The following ZNF280D variants were observed in gnomAD, a reference collection of about 807,000 sequenced individuals.
ZNF280D encodes zinc finger protein 280D, also known as suppressor of hairy wing homolog 4.
Under a neutral mutation model 94.7 loss-of-function variants are expected in ZNF280D, and 39 were observed. The observed-to-expected ratio is 0.41, with a 90% CI of 0.32 to 0.54. The LOEUF is 0.54. ZNF280D is among the 20% of genes least tolerant of loss of function. The pLI, the probability that ZNF280D is intolerant of heterozygous loss-of-function variation, is 0.22. For synonymous variants in ZNF280D, 398 were observed against 377.6 expected, an observed-to-expected ratio of 1.05 and a Z score of -0.63; for missense variants, 1,090 against 1,149.3, an observed-to-expected ratio of 0.95 and a Z score of 0.75.
chr15:56,665,962 C>A (rs921128746), intron 16 of ZNF280D, among the ~76,000 whole-genome samples: 3 of 151,968 alleles, frequency 2.0e-5, no homozygotes, highest in Non-Finnish European at 4.4e-5. Context: ...ATGGTGAAAC[C>A]CTGTCTCTAC....
chr15:56,714,806 A>C (rs1054381319), intron 1 of ZNF280D, among the ~76,000 whole-genome samples: 1 of 152,190 alleles, frequency 6.6e-6, no homozygotes, highest in Non-Finnish European at 1.5e-5. Context: ...CAAGACTTTG[A>C]AAGGACAATA....
chr15:56,722,899 T>C lies in ZNF280D; in HGVS notation c.-86+10559A>G, dbSNP rs2058442992. 9.2e-5 allele frequency among the ~76,000 whole-genome samples: 14 copies of C among 151,808 alleles called. No homozygotes were observed. In the South Asian group the frequency reaches 2.9e-3, roughly 32 times the overall value. On this transcript the variant is annotated intron_variant, in intron 1 of 21. Coordinates refer to ENST00000267807, the MANE Select transcript of ZNF280D (RefSeq NM_017661.4). ...TACACCATGGAATACTATGCAGCCA[T>C]AAAAAATGATGAGTTCATGTCCTTT...
At chr15:56,679,706 T>A (rs1192964751) in intron 10 of ZNF280D, among the ~76,000 whole-genome samples, 1 of 152,202 alleles carries the variant, frequency 6.6e-6, no homozygotes, top group Non-Finnish European at 1.5e-5. Context: ...ATTATTCACT[T>A]TGAATCCCTA....
chr15:56,636,985 G>A (rs984193862), intron 20 of ZNF280D, among the ~76,000 whole-genome samples: 1 of 152,004 alleles, frequency 6.6e-6, no homozygotes, highest in Admixed American at 6.6e-5. Flanking sequence ...TAAAAGGCAG[G>A]CATGAGATAC....
chr15:56,662,750 G>A (rs1339154603), intron 16 of ZNF280D, among the ~76,000 whole-genome samples: 1 of 151,618 alleles, frequency 6.6e-6, no homozygotes, highest in Non-Finnish European at 1.5e-5. Flanking sequence ...CGTGAACCTG[G>A]GAGGTGGAGG....
intron 1 of ZNF280D, among the ~76,000 whole-genome samples, chr15:56,720,951 G>A (rs1377385600): frequency 1.7e-5 from 2 of 117,134 alleles, no homozygotes; most frequent in African/African-American, 6.3e-5. Context: ...CATAGGCAGA[G>A]TAGATTTAGC....
chr15:56,709,630 T>C lies in ZNF280D; in HGVS notation c.-85-2324A>G, dbSNP rs530492451. Among the ~76,000 whole-genome samples, 62 of 152,072 alleles carry C rather than the reference T, an allele frequency of 4.1e-4. 1 individual carries two copies. The East Asian group carries it at 0.01, about 25-fold the overall frequency. ...AACCCAAATGTCCATCAACGATAGA[T>C]TGGATTAAGAAAATGTGGCACATAT... On this transcript the variant is annotated intron_variant, in intron 1 of 21. Transcript: ENST00000267807.
At chr15:56,731,297 G>C (rs1331989738) in intron 1 of ZNF280D, among the ~76,000 whole-genome samples, 1 of 151,944 alleles carries the variant, frequency 6.6e-6, no homozygotes, top group African/African-American at 2.4e-5. Context: ...GAACCCAGGA[G>C]TTTGACACCA....
chr15:56,657,724 G>C (rs1313010899), intron 17 of ZNF280D, among the ~76,000 whole-genome samples: 2 of 152,082 alleles, frequency 1.3e-5, no homozygotes, highest in Admixed American at 6.6e-5. Context: ...ATAATAAAAA[G>C]TGTTGGCAAA....
chr15:56,636,084 C>T (rs775467313), intron 20 of ZNF280D, among the ~76,000 whole-genome samples: 1 of 152,180 alleles, frequency 6.6e-6, no homozygotes, highest in Non-Finnish European at 1.5e-5. Context: ...ATCACACACA[C>T]TTATCTACTC....
At chr15:56,685,416 G>A (rs2055935850) in intron 9 of ZNF280D, among the ~76,000 whole-genome samples, 1 of 151,932 alleles carries the variant, frequency 6.6e-6, no homozygotes, top group African/African-American at 2.4e-5. Context: ...ACAATACAAT[G>A]AACAAATAAA....
At chr15:56,715,416 G>T (rs771539253) in intron 1 of ZNF280D, among the ~76,000 whole-genome samples, 2 of 152,092 alleles carry the variant, frequency 1.3e-5, no homozygotes, top group African/African-American at 4.8e-5. Flanking sequence ...TGATGCAACA[G>T]ATGATAGTGA....
intron 7 of ZNF280D, among the ~76,000 whole-genome samples, chr15:56,691,686 G>A (rs1326787822): frequency 6.6e-6 from 1 of 152,098 alleles, no homozygotes; most frequent in East Asian, 1.9e-4. Context: ...CTAGATGGTA[G>A]TGTGTTAATC....
chr15:56,730,798 T>A (rs1204846314), intron 1 of ZNF280D, among the ~76,000 whole-genome samples: 1 of 152,052 alleles, frequency 6.6e-6, no homozygotes, highest in Non-Finnish European at 1.5e-5. Context: ...AAGCCATACC[T>A]AAACGACTGC....
intron 1 of ZNF280D, chr15:56,724,920 A>G (rs1171423530): frequency 2.2e-6 from 1 of 454,546 alleles, no homozygotes; most frequent in East Asian, 7.0e-5. Context: ...TCCATGTTGC[A>G]TTTTGGTTAT....
intron 6 of ZNF280D, among the ~76,000 whole-genome samples, chr15:56,693,659 G>A (rs148897214): frequency 1.3e-4 from 19 of 151,054 alleles, no homozygotes; most frequent in African/African-American, 4.6e-4. Flanking sequence ...GCAAAAGCAA[G>A]GAGAAAAAAA....
At chr15:56,683,665 G>T (rs2055796907) in intron 9 of ZNF280D, among the ~76,000 whole-genome samples, 1 of 152,054 alleles carries the variant, frequency 6.6e-6, no homozygotes, top group Non-Finnish European at 1.5e-5. Context: ...AATTTAGGTG[G>T]GTTTTTCAGA....
intron 9 of ZNF280D, among the ~76,000 whole-genome samples, chr15:56,686,169 C>T (rs1203763918): frequency 6.6e-6 from 1 of 152,168 alleles, no homozygotes. Flanking sequence ...GAGACAGTCT[C>T]ACTCTGTTAC....
Position 56,675,952 on chromosome 15 carries a change from T to A in ZNF280D, c.1410+718A>T, listed in dbSNP as rs543962141. On this transcript the variant is annotated intron_variant, in intron 13 of 21. Transcript: ENST00000267807. The stretch of plus-strand genomic sequence containing the variant: ...GAACAGGATTAGTATTGCATCAAAA[T>A]TTTTAGCCCAAATAAAAGATGGTTT... Among the ~76,000 whole-genome samples the A allele has an allele frequency of 3.1e-4, 47 of 152,118 alleles. No homozygotes were observed. In the South Asian group the frequency reaches 7.9e-3, roughly 25 times the overall value.
Sources: gnomAD v4.1 joint callset for allele counts (sites outside exome capture counted in the v4.1 genomes callset) on GRCh38, gnomAD v4.1.1 for gene constraint, MANE v1.5 for transcripts, NCBI Gene and HGNC (gene_info 2026-07-23, HGNC 2026-07-21) for gene names.